Variants in SIK3 observed in about 807,000 individuals in gnomAD.
SIK3 encodes the protein SIK family kinase 3, also known as serine/threonine-protein kinase SIK3.
SIK3 carries 28 observed loss-of-function variants against 144.2 expected under a neutral mutation model. The ratio of observed to expected loss-of-function variants is 0.19; its 90% CI spans 0.14 to 0.27. SIK3 has a LOEUF of 0.27. SIK3 is among the 10% of genes least tolerant of loss of function. SIK3 has a pLI of 1.00. For missense variants in SIK3, 1,319 were observed against 1,776.0 expected (o/e 0.74, Z 4.62); for synonymous variants, 686 against 676.3 (o/e 1.01, Z -0.22).
intron 4 of SIK3, 126 bp downstream of exon 4, chr11:116,927,091 TCA>T: frequency 1.6e-6 from 1 of 639,684 alleles, no homozygotes; most frequent in Non-Finnish European, 2.5e-6. Flanking sequence ...ATTTTTTTTT[TCA>T]TCTTAAATTG....
Position 116,876,003 on chromosome 11 carries a change from T to G in SIK3, c.1102A>C (p.Arg368=). ...LDKEQTLQSL[R]SDAYDHYSAI... ...CTATAGTGATCATAGGCATCTGATC[T>G]TAATGACTACCAAGAGAGAAGGGAA... is the stretch of plus-strand genomic sequence containing the variant. Residue 368 remains arginine, a synonymous_variant, in exon 9 of 25, where the codon AGA becomes CGA. Coordinates refer to ENST00000445177, the MANE Select transcript of SIK3 (RefSeq NM_001366686.3). 6.2e-7 allele frequency: 1 copy of G among 1,613,580 alleles called. No individual in the cohort carries two copies. Among genetic ancestry groups the G allele is most frequent in the South Asian group, 1.1e-5 (1 of 91,000 alleles).
rs1312714871 is a variant in SIK3, at chr11:116,942,789, C to T, written c.454+11255G>A. Among the ~76,000 whole-genome samples, 4 of 152,116 alleles carry T rather than the reference C, an allele frequency of 2.6e-5. No homozygotes were observed. In the East Asian group the frequency reaches 5.8e-4, roughly 22 times the overall value. On this transcript the variant is annotated intron_variant, in intron 3 of 24. Coordinates refer to ENST00000445177, the MANE Select transcript of SIK3 (RefSeq NM_001366686.3). ...GAGTGCTAGGAGCTGTGGTGAGAGA[C>T]AGCAGGAGACCAAATTATATAATCT...
chr11:116,914,184 G>A (rs1162484856), intron 4 of SIK3, among the ~76,000 whole-genome samples: 3 of 149,262 alleles, frequency 2.0e-5, no homozygotes, highest in African/African-American at 7.4e-5. Flanking sequence ...ATGATAATGG[G>A]AATAAAGTAC....
chr11:116,916,498 T>C (rs111417314), intron 4 of SIK3, among the ~76,000 whole-genome samples: 8,791 of 150,870 alleles, frequency 0.058, 840 homozygotes, highest in African/African-American at 0.2. Flanking sequence ...TAAATTTCTA[T>C]AATATCACAT....
intron 3 of SIK3, among the ~76,000 whole-genome samples, chr11:116,934,183 C>T (rs1450735099): frequency 2.0e-5 from 3 of 152,200 alleles, no homozygotes; most frequent in Non-Finnish European, 4.4e-5. Context: ...AAAACAAGCT[C>T]CATGAGGGCA....
intron 1 of SIK3, among the ~76,000 whole-genome samples, chr11:117,060,160 G>C (rs1412742183): frequency 6.6e-6 from 1 of 152,172 alleles, no homozygotes; most frequent in Non-Finnish European, 1.5e-5. Flanking sequence ...TGGAATATTA[G>C]TGCTAAAAAC....
At chr11:117,041,630 T>C (rs1243541226) in intron 1 of SIK3, among the ~76,000 whole-genome samples, 1 of 152,186 alleles carries the variant, frequency 6.6e-6, no homozygotes, top group Non-Finnish European at 1.5e-5. Context: ...AACAGTTCTA[T>C]AATCATTTTT....
intron 1 of SIK3, among the ~76,000 whole-genome samples, chr11:117,072,441 T>C (rs1388623541): frequency 6.6e-6 from 1 of 152,028 alleles, no homozygotes; most frequent in Non-Finnish European, 1.5e-5. Context: ...CCAAAAAGCA[T>C]ATTGTTACAT....
chr11:117,040,946 TC>T (rs1014259414), intron 1 of SIK3, among the ~76,000 whole-genome samples: 27 of 124,828 alleles, frequency 2.2e-4, no homozygotes, highest in Non-Finnish European at 2.9e-4. Context: ...GTTACCTGCC[TC>T]CTTTTTTTTT....
rs1412667545 is a variant in SIK3 at position 116,982,971 on chromosome 11, T to TAAA, written c.274-25908_274-25907insTTT. Among the ~76,000 whole-genome samples the TAAA allele has an allele frequency of 2.6e-4, 27 of 105,542 alleles. 6 individuals are homozygous for TAAA. Among genetic ancestry groups the TAAA allele is most frequent in the Non-Finnish European group, 5.7e-4 (25 of 43,744 alleles). 69.2% of individuals were successfully genotyped at this position (105,542 alleles called of 152,430 possible). A position where few individuals can be genotyped will look rare whatever the true frequency, so the allele number is the denominator to read the frequency against. ...AAAAAAAAAAAAAAAAAAAAAAAATTTCTGACCCGAGGGGATTTCTCTGAA... is the reference window on the plus strand; with the variant it reads ...AAAAAAAAAAAAAAAAAAAAAAAATTAAATCTGACCCGAGGGGATTTCTCTGAA... On this transcript the variant is annotated intron_variant, in intron 1 of 24. Coordinates refer to ENST00000445177, the MANE Select transcript of SIK3 (RefSeq NM_001366686.3).
intron 1 of SIK3, among the ~76,000 whole-genome samples, chr11:117,053,338 GAA>G (rs754157839): frequency 8.2e-6 from 1 of 121,384 alleles, no homozygotes; most frequent in Admixed American, 8.4e-5. Flanking sequence ...CTCTGTCTTG[GAA>G]AAAAAAAAAA....
chr11:117,054,291 C>T (rs1462486307), intron 1 of SIK3, among the ~76,000 whole-genome samples: 2 of 152,162 alleles, frequency 1.3e-5, no homozygotes, highest in Admixed American at 1.3e-4. Flanking sequence ...ACAGCAACAG[C>T]AGGTCAGGGA....
Position 116,859,383 on chromosome 11 carries a change from T to A in SIK3, c.2647A>T (p.Ile883Phe), listed in dbSNP as rs548887460. 1 of 1,614,160 alleles carries A rather than the reference T, an allele frequency of 6.2e-7. No homozygotes were observed. Among genetic ancestry groups the A allele is most frequent in the African/African-American group, 1.3e-5 (1 of 75,050 alleles). Residue 883 changes from isoleucine (I) to phenylalanine (F), a missense_variant, in exon 20 of 25, where the codon ATC becomes TTC. Around this residue, in one of 8 missense-constraint regions of SIK3, gnomAD observed 646 missense variants for 763.7 expected, o/e 0.85. Coordinates refer to ENST00000445177, the MANE Select transcript of SIK3 (RefSeq NM_001366686.3). ...AAGSSGRGIS[I>F]SPSAGQMQMQ... ...TGCATCTGACCAGCACTGGGGCTGA[T>A]GGAGATGCCGCGCCCACTGGAGCCT...
chr11:116,857,455 A>T, intron 21 of SIK3: 1 of 256,756 alleles, frequency 3.9e-6, no homozygotes, highest in East Asian at 9.7e-5. Flanking sequence ...TTCCCACACT[A>T]TTTACACTAA....
intron 21 of SIK3, chr11:116,855,500 C>T (rs1291009525): frequency 6.6e-6 from 1 of 152,236 alleles, no homozygotes; most frequent in Non-Finnish European, 1.5e-5. Context: ...TTATGCTCTC[C>T]AGACTTTCTA....
At chr11:116,942,772 G>A (rs1948383379) in intron 3 of SIK3, among the ~76,000 whole-genome samples, 2 of 152,198 alleles carry the variant, frequency 1.3e-5, no homozygotes, top group Non-Finnish European at 2.9e-5. Context: ...GAGAGTGCTA[G>A]GAGCTGTGGT....
chr11:117,020,763 G>C (rs1484124737), intron 1 of SIK3, among the ~76,000 whole-genome samples: 1 of 152,098 alleles, frequency 6.6e-6, no homozygotes, highest in African/African-American at 2.4e-5. Context: ...CTTTGCCCTG[G>C]GTATCTCTTC....
chr11:116,977,046 G>A (rs1028627578), intron 1 of SIK3, among the ~76,000 whole-genome samples: 1 of 151,796 alleles, frequency 6.6e-6, no homozygotes, highest in Non-Finnish European at 1.5e-5. Context: ...TATAAAATAG[G>A]ACAATTAAAA....
intron 4 of SIK3, among the ~76,000 whole-genome samples, chr11:116,915,162 ATGTG>A (rs1946563196): frequency 1.1e-5 from 1 of 93,182 alleles, no homozygotes; most frequent in African/African-American, 4.4e-5. Context: ...GTGTGTGTGT[ATGTG>A]TATTTTTTCT....
Sources: gnomAD v4.1 joint callset for allele counts (sites outside exome capture counted in the v4.1 genomes callset) on GRCh38, gnomAD v4.1.1 for gene constraint, gnomAD v4.1.1 regional missense constraint, MANE v1.5 for transcripts, NCBI Gene and HGNC (gene_info 2026-07-23, HGNC 2026-07-21) for gene names.